RANBP2: variants seen among roughly 807,000 people sequenced by gnomAD.
RANBP2 encodes E3 SUMO-protein ligase RanBP2.
A neutral mutation model predicts 303.6 loss-of-function variants in RANBP2; 57 were observed. The ratio of observed to expected loss-of-function variants is 0.19; its 90% CI spans 0.15 to 0.23. RANBP2 has a LOEUF of 0.23. RANBP2 is among the 10% of genes least tolerant of loss of function. The probability of loss-of-function intolerance (pLI) is 1.00; values close to 1 mark genes in which losing one functional copy is unlikely to be tolerated. For synonymous variants in RANBP2, 1,167 were observed against 1,301.5 expected (o/e 0.90, Z 2.23); for missense variants, 3,138 against 3,780.8 (o/e 0.83, Z 4.46).
the RANBP2 span, among the ~76,000 whole-genome samples, chr2:109,136,639 C>T: frequency 6.6e-6 from 1 of 152,216 alleles, no homozygotes; most frequent in South Asian, 2.1e-4. Flanking sequence ...TGAAGGAGGC[C>T]CAAGAAGAGT....
the RANBP2 span, chr2:109,399,081 C>T: frequency 7.8e-6 from 8 of 1,032,182 alleles, no homozygotes; most frequent in Non-Finnish European, 1.1e-5. Flanking sequence ...TGGGGTTTGC[C>T]CTTTGCTGCC....
the RANBP2 span, among the ~76,000 whole-genome samples, chr2:108,795,855 G>T: frequency 6.6e-6 from 1 of 152,114 alleles, no homozygotes; most frequent in Non-Finnish European, 1.5e-5. Flanking sequence ...TATTTTACAA[G>T]TTTTTAAGCA....
chr2:109,003,667 TC>T, the RANBP2 span, among the ~76,000 whole-genome samples: 2 of 152,110 alleles, frequency 1.3e-5, no homozygotes. Context: ...CACCTCGGCC[TC>T]CCAAAGTGCT....
chr2:108,756,662 A>C (rs952069050), intron 17 of RANBP2, among the ~76,000 whole-genome samples: 4 of 152,218 alleles, frequency 2.6e-5, no homozygotes, highest in Non-Finnish European at 5.9e-5. Flanking sequence ...TATTCTGTGG[A>C]AGTATCGTGG....
chr2:109,387,009 T>C, the RANBP2 span, among the ~76,000 whole-genome samples: 1 of 152,096 alleles, frequency 6.6e-6, no homozygotes, highest in African/African-American at 2.4e-5. Context: ...TTGCTCAAAA[T>C]AAGAAAATTC....
chr2:109,345,669 G>T, the RANBP2 span, among the ~76,000 whole-genome samples: 1 of 152,198 alleles, frequency 6.6e-6, no homozygotes, highest in South Asian at 2.1e-4. Context: ...GTAGCCAATA[G>T]TGAAAATACT....
chr2:109,453,923 C>T, the RANBP2 span, among the ~76,000 whole-genome samples: 2 of 152,176 alleles, frequency 1.3e-5, no homozygotes, highest in Non-Finnish European at 2.9e-5. Flanking sequence ...AGATGAGGGC[C>T]AGGGACGGGA....
the RANBP2 span, chr2:109,545,783 C>G: frequency 7.0e-7 from 1 of 1,426,708 alleles, no homozygotes; most frequent in Non-Finnish European, 9.1e-7. Context: ...CTAACTGATC[C>G]TTTTCACACT....
chr2:108,842,584 C>T, the RANBP2 span, among the ~76,000 whole-genome samples: 2 of 152,146 alleles, frequency 1.3e-5, no homozygotes, highest in Non-Finnish European at 2.9e-5. Flanking sequence ...CATGTTCACA[C>T]AGTCCGTAGT....
chr2:108,944,688 C>T, the RANBP2 span, among the ~76,000 whole-genome samples: 1 of 152,120 alleles, frequency 6.6e-6, no homozygotes, highest in Non-Finnish European at 1.5e-5. Flanking sequence ...GCCCTGGGTC[C>T]TGGTGTCTGG....
chr2:109,613,717 G>A, the RANBP2 span: 19 of 947,062 alleles, frequency 2.0e-5, no homozygotes, highest in African/African-American at 3.4e-5. Context: ...GGCCGGACCA[G>A]GGGGCCGGTG....
the RANBP2 span, chr2:108,804,852 C>T: frequency 2.0e-6 from 3 of 1,465,876 alleles, no homozygotes; most frequent in African/African-American, 2.9e-5. Context: ...ACAGTCCTTA[C>T]AAGTTTTAGA....
At chr2:109,087,846 T>C in the RANBP2 span, among the ~76,000 whole-genome samples, 6 of 152,192 alleles carry the variant, frequency 3.9e-5, no homozygotes, top group South Asian at 8.3e-4. Flanking sequence ...GTTGATTTCA[T>C]GGCTCAGCTT....
chr2:108,941,055 A>G, the RANBP2 span, among the ~76,000 whole-genome samples: 1 of 152,066 alleles, frequency 6.6e-6, no homozygotes, highest in African/African-American at 2.4e-5. Context: ...CATCACTATA[A>G]ATTTAAACCG....
the RANBP2 span, among the ~76,000 whole-genome samples, chr2:109,736,345 G>A: frequency 1.3e-5 from 2 of 152,136 alleles, no homozygotes; most frequent in African/African-American, 4.8e-5. Flanking sequence ...CCATTTCTTT[G>A]GCATGGGAGG....
the RANBP2 span, among the ~76,000 whole-genome samples, chr2:109,064,974 C>A: frequency 1.2e-4 from 18 of 152,146 alleles, no homozygotes; most frequent in East Asian, 3.5e-3. Flanking sequence ...CAGGCAGGAG[C>A]CTTGGGGTTT....
the RANBP2 span, among the ~76,000 whole-genome samples, chr2:109,162,699 G>A: frequency 6.6e-6 from 1 of 152,188 alleles, no homozygotes; most frequent in African/African-American, 2.4e-5. Context: ...GTGTGCATGT[G>A]TCTTTATAGC....
chr2:108,961,719 G>A, the RANBP2 span, among the ~76,000 whole-genome samples: 3 of 152,152 alleles, frequency 2.0e-5, no homozygotes, highest in Non-Finnish European at 4.4e-5. Context: ...GGGTGGGTGC[G>A]GAAAAGCCTG....
chr2:109,570,027 CA>C, the RANBP2 span, among the ~76,000 whole-genome samples: 3 of 147,156 alleles, frequency 2.0e-5, no homozygotes, highest in African/African-American at 7.5e-5. Flanking sequence ...ACTGCCCCTA[CA>C]AAAAAAAAAC....
Sources: gnomAD v4.1 joint callset for allele counts (sites outside exome capture counted in the v4.1 genomes callset) on GRCh38, gnomAD v4.1.1 for gene constraint, MANE v1.5 for transcripts, NCBI Gene and HGNC (gene_info 2026-07-23, HGNC 2026-07-21) for gene names.